Variants in CPNE4 observed in about 807,000 individuals in gnomAD.
CPNE4 encodes copine 4, also known as copine-4.
Under a neutral mutation model 67.9 loss-of-function variants are expected in CPNE4, and 25 were observed. That is an observed-to-expected ratio of 0.37 (90% CI 0.27 to 0.51). The LOEUF (loss-of-function observed/expected upper bound fraction) is 0.51. CPNE4 is among the 20% of genes least tolerant of loss of function. The pLI, the probability that CPNE4 is intolerant of heterozygous loss-of-function variation, is 0.93. For missense variants in CPNE4, 464 were observed against 690.8 expected (o/e 0.67, Z 3.68); for synonymous variants, 242 against 244.9 (o/e 0.99, Z 0.11).
At chr3:131,666,544 A>C (rs553041712) in intron 7 of CPNE4, among the ~76,000 whole-genome samples, 1 of 152,348 alleles carries the variant, frequency 6.6e-6, no homozygotes, top group South Asian at 2.1e-4. Flanking sequence ...AGAATTCAAG[A>C]GCCAACTTGA....
At chr3:132,001,597 A>AAGAAAGAAAGAAAG (rs2073447822) in intron 1 of CPNE4, among the ~76,000 whole-genome samples, 1 of 151,258 alleles carries the variant, frequency 6.6e-6, no homozygotes, top group Non-Finnish European at 1.5e-5. Flanking sequence ...GAAAGAAAGA[A>AAGAAAGAAAGAAAG]AGAAAGAAAG....
chr3:131,794,211 A>G (rs2083857853), intron 2 of CPNE4, among the ~76,000 whole-genome samples: 1 of 150,924 alleles, frequency 6.6e-6, no homozygotes, highest in Admixed American at 6.6e-5. Context: ...GAAAATACTC[A>G]TTGAAAATCC....
chr3:131,952,427 T>C (rs2071771658), intron 1 of CPNE4, among the ~76,000 whole-genome samples: 1 of 145,894 alleles, frequency 6.9e-6, no homozygotes, highest in Admixed American at 7.0e-5. Context: ...ATCTGGGAAG[T>C]GAGGAGCGTC....
intron 1 of CPNE4, among the ~76,000 whole-genome samples, chr3:131,958,805 C>G (rs1206049884): frequency 6.6e-6 from 1 of 150,810 alleles, no homozygotes; most frequent in Admixed American, 6.6e-5. Flanking sequence ...ATTATGGGTG[C>G]CCGCCACCAC....
intron 7 of CPNE4, among the ~76,000 whole-genome samples, chr3:131,615,240 G>A (rs368085131): frequency 1.3e-5 from 2 of 152,264 alleles, no homozygotes; most frequent in East Asian, 1.9e-4. Context: ...ATCAAATACC[G>A]TAAGATTGCT....
intron 1 of CPNE4, among the ~76,000 whole-genome samples, chr3:132,025,679 T>C (rs1374293914): frequency 6.6e-6 from 1 of 152,200 alleles, no homozygotes; most frequent in Admixed American, 6.5e-5. Context: ...AGGTTGCAAT[T>C]TGAGTAATTT....
Position 131,535,197 on chromosome 3 carries a change from A to T in CPNE4, c.1672T>A (p.Ter558ArgextTer20). The T allele has an allele frequency of 6.2e-7, 1 of 1,608,682 alleles. No individual in the cohort carries two copies. Among genetic ancestry groups the T allele is most frequent in the Non-Finnish European group, 8.5e-7 (1 of 1,178,064 alleles). Residue 558 changes from the stop codon to arginine, a stop_lost, in exon 16 of 16, where the codon TGA becomes AGA. Transcript: ENST00000429747. ...CTCTGTAAAACTGTGTGGGGAGTTC[A>T]TGGTGCTAGTGTTCTGGAAGATTCA... ...MYESSRTLAP* is the reference protein window; with the variant it reads ...MYESSRTLAPR
In CPNE4 at chr3:131,792,925, G is replaced by GTGTGCGTGTGTATATCTATA. The variant is rs58502463; in HGVS notation, c.181-69301_181-69300insTATAGATATACACACGCACA. Among the ~76,000 whole-genome samples the GTGTGCGTGTGTATATCTATA allele has an allele frequency of 2.9e-4, 39 of 135,236 alleles. 1 individual carries two copies. Among genetic ancestry groups the GTGTGCGTGTGTATATCTATA allele is most frequent in the African/African-American group, 1.1e-3 (38 of 34,996 alleles). The allele number at this position is 135,236 out of a possible 152,430, so 88.7% of individuals were successfully genotyped here. ...TGTGTGTGTGTGTGTGTGTGTGTGT[G>GTGTGCGTGTGTATATCTATA]TATCTCCAACAAAACATGCCAAAAC... On this transcript the variant is annotated intron_variant, in intron 2 of 15. Coordinates refer to ENST00000429747, the MANE Select transcript of CPNE4 (RefSeq NM_130808.3).
chr3:131,657,179 T>C (rs1438420111), intron 7 of CPNE4, among the ~76,000 whole-genome samples: 1 of 152,252 alleles, frequency 6.6e-6, no homozygotes, highest in Admixed American at 6.5e-5. Context: ...TAAACTTGTA[T>C]ATGATGCAAT....
intron 2 of CPNE4, among the ~76,000 whole-genome samples, chr3:131,762,486 C>T (rs2082913388): frequency 6.6e-6 from 1 of 152,002 alleles, no homozygotes; most frequent in Non-Finnish European, 1.5e-5. Flanking sequence ...CTTGTTCATC[C>T]ATTGATTCTC....
intron 1 of CPNE4, among the ~76,000 whole-genome samples, chr3:131,912,452 ACATC>A (rs200562973): frequency 0.017 from 2,502 of 146,664 alleles, 29 homozygotes; most frequent in Middle Eastern, 0.028. Context: ...ATGTCATAGT[ACATC>A]CAGGGAAGGC....
At chr3:131,864,367 C>A (rs1442606852) in intron 2 of CPNE4, among the ~76,000 whole-genome samples, 2 of 152,066 alleles carry the variant, frequency 1.3e-5, no homozygotes, top group Non-Finnish European at 2.9e-5. Context: ...TTCTTTGTAT[C>A]CTCTTTTATT....
chr3:131,960,365 A>T (rs537707595), intron 1 of CPNE4, among the ~76,000 whole-genome samples: 14 of 152,292 alleles, frequency 9.2e-5, no homozygotes, highest in African/African-American at 2.9e-4. Flanking sequence ...ACAGCTAACC[A>T]AAACTTTAGA....
rs539929326 is a variant in CPNE4 at position 131,997,873 on chromosome 3, G to C, written c.-2+36694C>G. On this transcript the variant is annotated intron_variant, in intron 1 of 15. Transcript: ENST00000429747. ...AAAGGTAGAAAGTTTTTGAGTCGGA[G>C]AGTGGCATAATGAAAATGCTGTTTC... Among the ~76,000 whole-genome samples, 3 of 152,188 alleles carry C rather than the reference G, an allele frequency of 2.0e-5. No homozygotes were observed. In the South Asian group the frequency reaches 6.2e-4, roughly 32 times the overall value.
chr3:131,644,311 C>G lies in CPNE4; in HGVS notation c.681+25364G>C, dbSNP rs1489923928. ...TACAGGTGCCCGCCACCATGCCTGACTAGTTTTTTGTATTTTTATTGGAGA... is the reference window on the plus strand; with the variant it reads ...TACAGGTGCCCGCCACCATGCCTGAGTAGTTTTTTGTATTTTTATTGGAGA... On this transcript the variant is annotated intron_variant, in intron 7 of 15. Transcript: ENST00000429747. Among the ~76,000 whole-genome samples the G allele has an allele frequency of 2.0e-5, 3 of 152,026 alleles. No individual in the cohort carries two copies. In the East Asian group the frequency reaches 5.8e-4, roughly 29 times the overall value.
chr3:131,841,703 G>T (rs998028039), intron 2 of CPNE4, among the ~76,000 whole-genome samples: 2 of 152,196 alleles, frequency 1.3e-5, no homozygotes, highest in African/African-American at 2.4e-5. Context: ...GGAGACAGCT[G>T]ACCTATCACT....
intron 7 of CPNE4, among the ~76,000 whole-genome samples, chr3:131,645,828 C>T (rs1278266370): frequency 6.6e-6 from 1 of 152,130 alleles, no homozygotes; most frequent in Non-Finnish European, 1.5e-5. Flanking sequence ...CAGGCATTAC[C>T]ATCTTTGTAG....
intron 5 of CPNE4, among the ~76,000 whole-genome samples, chr3:131,695,815 T>A (rs1289401368): frequency 2.0e-5 from 3 of 152,226 alleles, no homozygotes; most frequent in Non-Finnish European, 4.4e-5. Context: ...GATAAAGTAT[T>A]TCCTGATGTC....
chr3:131,916,361 A>C (rs1003782871), intron 1 of CPNE4, among the ~76,000 whole-genome samples: 15 of 151,952 alleles, frequency 9.9e-5, no homozygotes, highest in Non-Finnish European at 1.9e-4. Flanking sequence ...AAAAAAAAAA[A>C]AAAAACAGAG....
Sources: allele counts gnomAD v4.1 joint callset (sites outside exome capture counted in the v4.1 genomes callset), GRCh38; gene constraint gnomAD v4.1.1; transcripts MANE v1.5; gene names NCBI Gene and HGNC (gene_info 2026-07-23, HGNC 2026-07-21).